The following VWA1 variants were observed in gnomAD, a reference collection of about 807,000 sequenced individuals.
VWA1 encodes von Willebrand factor A domain containing 1, also known as von Willebrand factor A domain-containing protein 1.
In VWA1, 12 loss-of-function variants were observed where a neutral mutation model predicts 14.9. The ratio of observed to expected loss-of-function variants is 0.80; its 90% CI spans 0.52 to 1.30. The LOEUF (loss-of-function observed/expected upper bound fraction) is 1.30. VWA1 is among the 50% of genes most tolerant of loss of function. VWA1 has a pLI of 0.00. For synonymous variants in VWA1, 368 were observed against 310.7 expected (o/e 1.18, Z -1.94); for missense variants, 800 against 649.1 (o/e 1.23, Z -2.53).
In VWA1 at chr1:1,439,064, C is replaced by T. The variant is rs373224379; in HGVS notation, c.632-17C>T. 9.6e-5 allele frequency: 153 copies of T among 1,595,238 alleles called. No individual in the cohort carries two copies. The African/African-American group carries it at 1.9e-3, about 20-fold the overall frequency. On this transcript the variant is annotated splice_polypyrimidine_tract_variant and intron_variant, in intron 2 of 2. Coordinates refer to ENST00000476993, the MANE Select transcript of VWA1 (RefSeq NM_022834.5). ...AGGAACTGACCGCTGTTCCCTGACC[C>T]CCTGCACCACCCACAGACGCGATGC...
In VWA1 at chr1:1,439,595, C is replaced by G. The variant is rs1380366000; in HGVS notation, c.1146C>G (p.Pro382=). 8.5e-6 allele frequency: 11 copies of G among 1,301,554 alleles called. No individual in the cohort carries two copies. The highest frequency in any genetic ancestry group is 9.8e-6 in the Non-Finnish European group (10 of 1,025,472). 80.6% of individuals were successfully genotyped at this position (1,301,554 alleles called of 1,614,324 possible). ...RGGEAQRVEV[P]AGRNCTTLQG... is the part of the protein sequence containing the mutation. Reference sequence around the variant, plus strand: ...GGGAGGCGCAGCGGGTGGAGGTGCCCGCGGGCCGCAACTGCACCACGCTGC... The same window carrying G: ...GGGAGGCGCAGCGGGTGGAGGTGCCGGCGGGCCGCAACTGCACCACGCTGC... The change falls in exon 3 of 3, where the codon CCC becomes CCG. Residue 382 remains proline, a synonymous_variant. Transcript: ENST00000476993.
Position 1,439,551 on chromosome 1 carries a change from T to A in VWA1, c.1102T>A (p.Phe368Ile), listed in dbSNP as rs1638615109. The A allele has an allele frequency of 2.3e-6, 3 of 1,322,726 alleles. No individual in the cohort carries two copies. Among genetic ancestry groups the A allele is most frequent in the Non-Finnish European group, 2.9e-6 (3 of 1,039,448 alleles). The allele number at this position is 1,322,726 out of a possible 1,614,324, so 81.9% of individuals were successfully genotyped here. Reference sequence around the variant, plus strand: ...CGCGGCGCTCGGCTACCACGTGCAGTTCGGGCCGCTGCGGGGCGGGGAGGC... The same window carrying A: ...CGCGGCGCTCGGCTACCACGTGCAGATCGGGCCGCTGCGGGGCGGGGAGGC... Reference protein sequence around the residue: ...SAAALGYHVQFGPLRGGEAQR... With the variant: ...SAAALGYHVQIGPLRGGEAQR... Residue 368 changes from phenylalanine (F) to isoleucine (I), a missense_variant, in exon 3 of 3, where the codon TTC becomes ATC. Phe to Ile is a conservative substitution (Grantham distance 21). Coordinates refer to ENST00000476993, the MANE Select transcript of VWA1 (RefSeq NM_022834.5).
Position 1,435,833 on chromosome 1 carries a change from G to C in VWA1, c.73+12G>C. ...CGGCGCGGAGCGCGGTGAGTGCGGC[G>C]GGCGGCCGGGCCGGGGCTGGGGCTT... is the stretch of plus-strand genomic sequence containing the variant. On this transcript the variant is annotated intron_variant, in intron 1 of 2. Coordinates refer to ENST00000476993, the MANE Select transcript of VWA1 (RefSeq NM_022834.5). 1 of 1,139,824 alleles carries C rather than the reference G, an allele frequency of 8.8e-7. No individual in the cohort carries two copies. Among genetic ancestry groups the C allele is most frequent in the Non-Finnish European group, 1.1e-6 (1 of 935,164 alleles). 70.6% of individuals were successfully genotyped at this position (1,139,824 alleles called of 1,614,324 possible).
At position 1,436,916 on chromosome 1, in the gene VWA1, C is replaced by T. The variant is rs895705113; in HGVS notation, c.74-11C>T. On this transcript the variant is annotated splice_polypyrimidine_tract_variant and intron_variant, in intron 1 of 2. Transcript: ENST00000476993. ...CCACACCTGAGGCTGAGCATTCCTC[C>T]TTTCCCCCAGGTCCACCAGCATCAG... is the stretch of plus-strand genomic sequence containing the variant. 8 of 1,567,180 alleles carry T rather than the reference C, an allele frequency of 5.1e-6. No homozygotes were observed. The highest frequency in any genetic ancestry group is 1.7e-4 in the Middle Eastern group (1 of 5,866).
At position 1,436,283 on chromosome 1, in the gene VWA1, A is replaced by C. The variant is rs562347025; in HGVS notation, c.73+462A>C. The stretch of plus-strand genomic sequence containing the variant: ...TAGGGGGCATCAGCCTCCACCCCGG[A>C]GGTGCCCGGAGGAAGGGGGAAGCCT... On this transcript the variant is annotated intron_variant, in intron 1 of 2. Transcript: ENST00000476993. Among the ~76,000 whole-genome samples the C allele has an allele frequency of 8.5e-5, 13 of 152,062 alleles. No individual in the cohort carries two copies. In the South Asian group the frequency reaches 2.3e-3, roughly 27 times the overall value.
At chr1:1,436,697 AGATGG>A in intron 1 of VWA1, 1 of 511,770 alleles carries the variant, frequency 2.0e-6, no homozygotes. Context: ...GCCCTCTCAC[AGATGG>A]GATAACACAA....
At position 1,442,077 on chromosome 1, in the gene VWA1, A is replaced by C. The variant is rs1330613191; in HGVS notation, c.*2290A>C. The stretch of plus-strand genomic sequence containing the variant: ...GTCTGAGAAGTGCTGCCCCTTATGT[A>C]GCCCCAGGCATTTTAAAATCTTTGA... On this transcript the variant is annotated 3_prime_UTR_variant, in exon 3 of 3. Coordinates refer to ENST00000476993, the MANE Select transcript of VWA1 (RefSeq NM_022834.5). The C allele has an allele frequency of 6.6e-6, 1 of 152,296 alleles. No individual in the cohort carries two copies. The highest frequency in any genetic ancestry group is 2.4e-5 in the African/African-American group (1 of 41,466). The allele number at this position is 152,296 out of a possible 1,614,324, so 9.4% of individuals were successfully genotyped here. A position where few individuals can be genotyped will look rare whatever the true frequency, so the allele number is the denominator to read the frequency against.
In VWA1 at chr1:1,440,813, G is replaced by A. The variant is rs143340559; in HGVS notation, c.*1026G>A. On this transcript the variant is annotated 3_prime_UTR_variant, in exon 3 of 3. Coordinates refer to ENST00000476993, the MANE Select transcript of VWA1 (RefSeq NM_022834.5). Reference sequence around the variant, plus strand: ...CTTTACTCCTCCACAAACAGCAGCCGCCGACAGGACAGCTTGTGAACGTCT... The same window carrying A: ...CTTTACTCCTCCACAAACAGCAGCCACCGACAGGACAGCTTGTGAACGTCT... 358 of 153,670 alleles carry A rather than the reference G, an allele frequency of 2.3e-3. 1 individual carries two copies. Among genetic ancestry groups the A allele is most frequent in the African/African-American group, 8.1e-3 (338 of 41,574 alleles). The allele number at this position is 153,670 out of a possible 1,614,324, so 9.5% of individuals were successfully genotyped here.
At chr1:1,436,768 CAGG>C (rs1445177443) in intron 1 of VWA1, 156 bp from the exon 2 acceptor site, 1 of 696,550 alleles carries the variant, frequency 1.4e-6, no homozygotes, top group Admixed American at 3.0e-5. Context: ...CCCAAAAGTA[CAGG>C]CCTCTTGCTT....
intron 1 of VWA1, among the ~76,000 whole-genome samples, chr1:1,436,084 G>A (rs1005930852): frequency 6.6e-6 from 1 of 152,182 alleles, no homozygotes; most frequent in Non-Finnish European, 1.5e-5. Flanking sequence ...TGGACAGGAA[G>A]AGGGAGATGT....
Position 1,439,116 on chromosome 1 carries a change from A to G in VWA1, c.667A>G (p.Ile223Val), listed in dbSNP as rs759035997. 2 of 1,600,374 alleles carry G rather than the reference A, an allele frequency of 1.2e-6. No individual in the cohort carries two copies. The highest frequency in any genetic ancestry group is 1.3e-5 in the African/African-American group (1 of 74,964). ...MRPQQLHATEITSSGFRLAWP... is the reference protein window; with the variant it reads ...MRPQQLHATEVTSSGFRLAWP... ...GCCGCAGCAGCTCCATGCCACGGAG[A>G]TCACGTCCAGCGGCTTCCGCCTGGC... Residue 223 changes from isoleucine (I) to valine (V), a missense_variant, in exon 3 of 3, where the codon ATC becomes GTC. Coordinates refer to ENST00000476993, the MANE Select transcript of VWA1 (RefSeq NM_022834.5).
In VWA1 at chr1:1,442,838, G is replaced by T. The variant is rs1423461822; in HGVS notation, c.*3051G>T. On this transcript the variant is annotated 3_prime_UTR_variant, in exon 3 of 3. Coordinates refer to ENST00000476993, the MANE Select transcript of VWA1 (RefSeq NM_022834.5). ...AGCCACCTAGGGAAGCAGGTCGCCT[G>T]TTTCTATAGTGACGGTAATAAACCA... is the stretch of plus-strand genomic sequence containing the variant. The T allele has an allele frequency of 1.8e-4, 1 of 5,468 alleles. No individual in the cohort carries two copies. The highest frequency in any genetic ancestry group is 7.5e-4 in the African/African-American group (1 of 1,334). 0.3% of individuals were successfully genotyped at this position (5,468 alleles called of 1,614,324 possible).
At position 1,439,791 on chromosome 1, in the gene VWA1, G is replaced by A. The variant is rs557256103; in HGVS notation, c.*4G>A. ...GACCGCCAGCCGTGAGCCGTAAGCC[G>A]GCGTCCCCGCCCAGCCGAGAGGGCC... On this transcript the variant is annotated 3_prime_UTR_variant, in exon 3 of 3. Transcript: ENST00000476993. 960 of 1,073,244 alleles carry A rather than the reference G, an allele frequency of 8.9e-4. 11 individuals carry two copies. The African/African-American group carries it at 0.016, about 18-fold the overall frequency. 66.5% of individuals were successfully genotyped at this position (1,073,244 alleles called of 1,614,324 possible). A position where few individuals can be genotyped will look rare whatever the true frequency, so the allele number is the denominator to read the frequency against.
At chr1:1,436,797 C>G in intron 1 of VWA1, 130 bp from the exon 2 acceptor site, 1 of 962,514 alleles carries the variant, frequency 1.0e-6, no homozygotes, top group Non-Finnish European at 1.5e-6. Context: ...TCCTCTTTCC[C>G]CCAACCTAGG....
chr1:1,439,942 A>C lies in VWA1; in HGVS notation c.*155A>C, dbSNP rs1003008743. On this transcript the variant is annotated 3_prime_UTR_variant, in exon 3 of 3. Coordinates refer to ENST00000476993, the MANE Select transcript of VWA1 (RefSeq NM_022834.5). ...ACCCCGGCCCTCTCCCTGCGGCCGCAGGGCTTCCCCGCCTGGCGCCTGCCC... is the reference window on the plus strand; with the variant it reads ...ACCCCGGCCCTCTCCCTGCGGCCGCCGGGCTTCCCCGCCTGGCGCCTGCCC... 4 of 915,114 alleles carry C rather than the reference A, an allele frequency of 4.4e-6. No individual in the cohort carries two copies. The African/African-American group carries it at 7.2e-5, about 17-fold the overall frequency. 56.7% of individuals were successfully genotyped at this position (915,114 alleles called of 1,614,324 possible).
Position 1,439,772 on chromosome 1 carries a change from C to CAGCCGTG in VWA1, c.1330_1336dup (p.Ter446=), listed in dbSNP as rs1247724892. The stretch of plus-strand genomic sequence containing the variant: ...CCCGCGCCCCGACCCCGGGGACCGC[C>CAGCCGTG]AGCCGTGAGCCGTAAGCCGGCGTCC... On this transcript the variant is annotated frameshift_variant, in exon 3 of 3. Coordinates refer to ENST00000476993, the MANE Select transcript of VWA1 (RefSeq NM_022834.5). LOFTEE classifies it high-confidence loss of function. 1.8e-6 allele frequency: 2 copies of CAGCCGTG among 1,082,094 alleles called. No homozygotes were observed. The highest frequency in any genetic ancestry group is 2.2e-6 in the Non-Finnish European group (2 of 892,850). 67.0% of individuals were successfully genotyped at this position (1,082,094 alleles called of 1,614,324 possible).
chr1:1,439,376 G>A lies in VWA1; in HGVS notation c.927G>A (p.Gly309=), dbSNP rs1321557710. 6.6e-7 allele frequency: 1 copy of A among 1,506,302 alleles called. No individual in the cohort carries two copies. 93.3% of individuals were successfully genotyped at this position (1,506,302 alleles called of 1,614,324 possible). A position where few individuals can be genotyped will look rare whatever the true frequency, so the allele number is the denominator to read the frequency against. The change falls in exon 3 of 3, where the codon GGG becomes GGA. Residue 309 remains glycine (G), a synonymous_variant. Coordinates refer to ENST00000476993, the MANE Select transcript of VWA1 (RefSeq NM_022834.5). ...VRTRPGEAGP[G]ASGPESGAGP... is the part of the protein sequence containing the mutation. ...CGCGGCCCGGTGAGGCAGGGCCGGG[G>A]GCTTCGGGCCCGGAGTCGGGGGCTG...
In VWA1 at chr1:1,437,435, C is replaced by G; in HGVS notation, c.582C>G (p.Asp194Glu). Residue 194 changes from aspartate to glutamate, a missense_variant, in exon 2 of 3, where the codon GAC becomes GAG. Asp to Glu is a conservative substitution (Grantham distance 45). Coordinates refer to ENST00000476993, the MANE Select transcript of VWA1 (RefSeq NM_022834.5). The stretch of plus-strand genomic sequence containing the variant: ...CCGAGAAGCACCTGCACTTTGTGGA[C>G]GTGGATGACCTGCACATCATTGTCC... Reference protein sequence around the residue: ...APAEKHLHFVDVDDLHIIVQE... With the variant: ...APAEKHLHFVEVDDLHIIVQE... 6.2e-7 allele frequency: 1 copy of G among 1,612,428 alleles called. No individual in the cohort carries two copies. The highest frequency in any genetic ancestry group is 8.5e-7 in the Non-Finnish European group (1 of 1,179,740).
rs867525083 is a variant in VWA1 at position 1,439,889 on chromosome 1, C to G, written c.*102C>G. The G allele has an allele frequency of 1.2e-5, 12 of 1,023,636 alleles. No homozygotes were observed. In the Admixed American group the frequency reaches 1.7e-4, roughly 15 times the overall value. The allele number at this position is 1,023,636 out of a possible 1,614,324, so 63.4% of individuals were successfully genotyped here. Reference sequence around the variant, plus strand: ...CCAACCCGGCAGACGGGTGCAGGCCCGGCCTTTCCCCACGCGGACTCCGCG... The same window carrying G: ...CCAACCCGGCAGACGGGTGCAGGCCGGGCCTTTCCCCACGCGGACTCCGCG... On this transcript the variant is annotated 3_prime_UTR_variant, in exon 3 of 3. Transcript: ENST00000476993.
Sources: gnomAD v4.1 joint callset for allele counts (sites outside exome capture counted in the v4.1 genomes callset) on GRCh38, gnomAD v4.1.1 for gene constraint, MANE v1.5 for transcripts, NCBI Gene and HGNC (gene_info 2026-07-23, HGNC 2026-07-21) for gene names.